MYO9A: variants seen among roughly 807,000 people sequenced by gnomAD.
MYO9A encodes the protein myosin IXA.
Under a neutral mutation model 293.3 loss-of-function variants are expected in MYO9A, and 103 were observed. The observed-to-expected ratio is 0.35, with a 90% CI of 0.30 to 0.41. MYO9A has a LOEUF of 0.41. Among genes scored for constraint, MYO9A ranks in the 10% least tolerant of loss-of-function variants. The pLI, the probability that MYO9A is intolerant of heterozygous loss-of-function variation, is 1.00. For missense variants in MYO9A, 2,685 were observed against 3,033.0 expected (o/e 0.89, Z 2.69); for synonymous variants, 1,001 against 1,035.7 (o/e 0.97, Z 0.64).
chr15:71,955,074 C>T (rs1195031381), intron 14 of MYO9A, among the ~76,000 whole-genome samples: 1 of 152,094 alleles, frequency 6.6e-6, no homozygotes, highest in African/African-American at 2.4e-5. Context: ...CAATACTACC[C>T]TTGCCCCTGA....
chr15:71,917,796 T>C (rs910343112), intron 18 of MYO9A, among the ~76,000 whole-genome samples: 2 of 152,170 alleles, frequency 1.3e-5, no homozygotes, highest in Admixed American at 6.5e-5. Context: ...AAAATCTTAA[T>C]GTATGAGAAA....
chr15:72,051,547 C>A (rs1314598923), intron 1 of MYO9A, among the ~76,000 whole-genome samples: 2 of 152,148 alleles, frequency 1.3e-5, no homozygotes, highest in Non-Finnish European at 2.9e-5. Flanking sequence ...CCAGGAAGGC[C>A]CCCCGCCCAG....
At chr15:72,023,522 GTC>G (rs797000776) in intron 4 of MYO9A, among the ~76,000 whole-genome samples, 14 of 151,886 alleles carry the variant, frequency 9.2e-5, no homozygotes, top group African/African-American at 3.1e-4. Flanking sequence ...GTGAAACCCC[GTC>G]TCTACTAAAA....
intron 1 of MYO9A, among the ~76,000 whole-genome samples, chr15:72,104,535 A>G (rs1208828639): frequency 2.0e-5 from 3 of 152,238 alleles, no homozygotes; most frequent in Non-Finnish European, 4.4e-5. Context: ...CCCAGTGCCT[A>G]CACATCAGGA....
rs2054365463 is a variant in MYO9A at position 71,823,928 on chromosome 15, G to A, written c.*2652C>T. ...TGATTGTAATGCGGCATCACTTTGT[G>A]GTGACATAACTTTACCATGCAGAGG... On this transcript the variant is annotated 3_prime_UTR_variant, in exon 42 of 42. Coordinates refer to ENST00000356056, the MANE Select transcript of MYO9A (RefSeq NM_006901.4). 1 of 152,248 alleles carries A rather than the reference G, an allele frequency of 6.6e-6. No homozygotes were observed. Among genetic ancestry groups the A allele is most frequent in the Non-Finnish European group, 1.5e-5 (1 of 68,052 alleles). The allele number at this position is 152,248 out of a possible 1,614,324, so 9.4% of individuals were successfully genotyped here.
At chr15:71,910,117 TATATATACAC>T (rs1207822144) in intron 19 of MYO9A, among the ~76,000 whole-genome samples, 262 of 126,280 alleles carry the variant, frequency 2.1e-3, no homozygotes, top group Non-Finnish European at 2.9e-3. Flanking sequence ...TATATACGTG[TATATATACAC>T]GTGTATATAT....
intron 10 of MYO9A, 41 bp downstream of exon 10, chr15:71,994,428 G>C (rs751258859): frequency 1.6e-6 from 2 of 1,257,440 alleles, no homozygotes; most frequent in East Asian, 2.4e-5. Context: ...TATTAAAATA[G>C]CTTTCAGGGA....
intron 1 of MYO9A, among the ~76,000 whole-genome samples, chr15:72,108,737 G>A (rs1419737951): frequency 1.3e-5 from 2 of 149,550 alleles, no homozygotes; most frequent in African/African-American, 2.5e-5. Context: ...GAAGTATTTT[G>A]CAGTAAACTT....
At chr15:72,037,113 T>C (rs2078073556) in intron 2 of MYO9A, among the ~76,000 whole-genome samples, 1 of 151,882 alleles carries the variant, frequency 6.6e-6, no homozygotes, top group Admixed American at 6.6e-5. Context: ...AGGACTTTCT[T>C]GACCTTACTT....
chr15:72,041,264 T>A, intron 2 of MYO9A: 1 of 1,185,352 alleles, frequency 8.4e-7, no homozygotes, highest in Non-Finnish European at 1.2e-6. Context: ...CATCTTCACC[T>A]GCGTTGTATT....
In MYO9A at chr15:71,897,773, A is replaced by T. The variant is rs182356242; in HGVS notation, c.4730T>A (p.Leu1577Gln). ...GGCAAGAGCTGCATCTTTTAATGAT[A>T]GGGACCCCAGTACATTAAGTTCTCC... Reference protein sequence around the residue: ...NKGELNVLGSLSLKDAALAQK... With the variant: ...NKGELNVLGSQSLKDAALAQK... Residue 1577 changes from leucine (L) to glutamine (Q), a missense_variant, in exon 25 of 42, where the codon CTA becomes CAA. This residue lies in a region of MYO9A where 1,434 missense variants were observed against 1,497.7 expected (regional missense o/e 0.96). Transcript: ENST00000356056. The T allele has an allele frequency of 3.3e-5, 54 of 1,614,074 alleles. No individual in the cohort carries two copies. Among genetic ancestry groups the T allele is most frequent in the Non-Finnish European group, 4.6e-5 (54 of 1,179,996 alleles).
chr15:71,901,286 C>T lies in MYO9A; in HGVS notation c.3055G>A (p.Val1019Met). 1 of 1,613,966 alleles carries T rather than the reference C, an allele frequency of 6.2e-7. No individual in the cohort carries two copies. Among genetic ancestry groups the T allele is most frequent in the Non-Finnish European group, 8.5e-7 (1 of 1,179,958 alleles). ...QHLQDLLHQE[V>M]LRRIILLQRW... ...TGCAACAATATGATTCTGCGGAGCA[C>T]CTCTTGGTGAAGCAGATCTTGTAAG... Residue 1019 changes from valine to methionine, a missense_variant, in exon 23 of 42, where the codon GTG (valine) becomes ATG (methionine). Val to Met is a conservative substitution (Grantham distance 21). Transcript: ENST00000356056.
Position 71,959,885 on chromosome 15 carries a change from A to G in MYO9A, c.2182+16T>C, listed in dbSNP as rs752626465. On this transcript the variant is annotated intron_variant, in intron 14 of 41. Transcript: ENST00000356056. ...AAAAGATGAAGTATGGTAGAATACTAATAACTACTACTTACCAGTTTTTCT... is the reference window on the plus strand; with the variant it reads ...AAAAGATGAAGTATGGTAGAATACTGATAACTACTACTTACCAGTTTTTCT... The G allele has an allele frequency of 6.2e-7, 1 of 1,601,282 alleles. No individual in the cohort carries two copies.
chr15:72,096,478 A>G (rs2080068606), intron 1 of MYO9A, among the ~76,000 whole-genome samples: 1 of 152,244 alleles, frequency 6.6e-6, no homozygotes. Flanking sequence ...TACTGCTCAG[A>G]AAAATAAGAT....
intron 39 of MYO9A, 52 bp downstream of exon 39, chr15:71,848,793 A>C (rs1481641434): frequency 1.4e-5 from 22 of 1,555,908 alleles, no homozygotes; most frequent in Non-Finnish European, 1.6e-5. Context: ...AAGCACATTT[A>C]AATTCCCAAG....
Position 71,897,822 on chromosome 15 carries a change from G to A in MYO9A, c.4681C>T (p.Leu1561Phe), listed in dbSNP as rs1484839458. The A allele has an allele frequency of 6.2e-7, 1 of 1,614,056 alleles. No individual in the cohort carries two copies. The highest frequency in any genetic ancestry group is 8.5e-7 in the Non-Finnish European group (1 of 1,180,004). The change falls in exon 25 of 42, where the codon CTC becomes TTC. Residue 1561 changes from leucine (L) to phenylalanine (F), a missense_variant. Coordinates refer to ENST00000356056, the MANE Select transcript of MYO9A (RefSeq NM_006901.4). ...CCCTTATTTGAGGTATTTAAGCTGAGGAGAGAGGATGGCCTCTCTACTCTT... is the reference window on the plus strand; with the variant it reads ...CCCTTATTTGAGGTATTTAAGCTGAAGAGAGAGGATGGCCTCTCTACTCTT... Reference protein sequence around the residue: ...KQRVERPSSLLSLNTSNKGEL... With the variant: ...KQRVERPSSLFSLNTSNKGEL...
chr15:71,992,088 A>G (rs1309031617), intron 10 of MYO9A, among the ~76,000 whole-genome samples: 1 of 152,042 alleles, frequency 6.6e-6, no homozygotes, highest in Non-Finnish European at 1.5e-5. Context: ...AAAAATATTT[A>G]TTAAAAAAAA....
At chr15:71,899,593 A>T in intron 24 of MYO9A, 94 bp downstream of exon 24, 1 of 1,119,748 alleles carries the variant, frequency 8.9e-7, no homozygotes, top group South Asian at 1.6e-5. Flanking sequence ...TATACAACCA[A>T]TTCTAATACA....
At chr15:71,965,448 T>A (rs2075848406) in intron 13 of MYO9A, among the ~76,000 whole-genome samples, 1 of 152,184 alleles carries the variant, frequency 6.6e-6, no homozygotes, top group Non-Finnish European at 1.5e-5. Context: ...ATATTTTAAA[T>A]CAGTCATTAG....
Sources: gnomAD v4.1 joint callset for allele counts (sites outside exome capture counted in the v4.1 genomes callset) on GRCh38, gnomAD v4.1.1 for gene constraint, gnomAD v4.1.1 regional missense constraint, MANE v1.5 for transcripts, NCBI Gene and HGNC (gene_info 2026-07-23, HGNC 2026-07-21) for gene names.